KAZN: variants seen among roughly 807,000 people sequenced by gnomAD.
The protein encoded by KAZN is kazrin, periplakin interacting protein.
KAZN carries 40 observed loss-of-function variants against 87.4 expected under a neutral mutation model. The observed-to-expected ratio is 0.46, with a 90% confidence interval of 0.36 to 0.60. KAZN has a LOEUF of 0.60. Among genes scored for constraint, KAZN ranks in the 20% least tolerant of loss-of-function variants. The probability of loss-of-function intolerance (pLI) is 0.00; values close to 1 mark genes in which losing one functional copy is unlikely to be tolerated. For synonymous variants in KAZN, 466 were observed against 458.3 expected, an observed-to-expected ratio of 1.02 and a Z score of -0.22; for missense variants, 898 against 1,073.9, an observed-to-expected ratio of 0.84 and a Z score of 2.29.
intron 3 of KAZN, among the ~76,000 whole-genome samples, chr1:15,036,721 G>A (rs944305107): frequency 6.6e-6 from 1 of 152,158 alleles, no homozygotes; most frequent in African/African-American, 2.4e-5. Context: ...GGGAGGGGTA[G>A]GGGACACCGC....
intron 1 of KAZN, among the ~76,000 whole-genome samples, chr1:14,867,254 C>A (rs1468113087): frequency 6.6e-6 from 1 of 152,186 alleles, no homozygotes; most frequent in African/African-American, 2.4e-5. Context: ...CCTTGAAGGT[C>A]TGTTGTTTTG....
intron 1 of KAZN, among the ~76,000 whole-genome samples, chr1:14,620,857 T>G (rs1678641099): frequency 6.6e-6 from 1 of 152,182 alleles, no homozygotes; most frequent in Non-Finnish European, 1.5e-5. Context: ...GGTGACGCCT[T>G]GGAAATCTCC....
At chr1:14,488,419 G>T (rs1161801249) in intron 2 of KAZN, among the ~76,000 whole-genome samples, 3 of 152,130 alleles carry the variant, frequency 2.0e-5, no homozygotes, top group African/African-American at 7.2e-5. Flanking sequence ...ATGAGTAAAG[G>T]CTCTAAGGTG....
intron 2 of KAZN, among the ~76,000 whole-genome samples, chr1:14,502,981 C>A (rs1670344794): frequency 1.3e-5 from 2 of 152,106 alleles, no homozygotes; most frequent in African/African-American, 4.8e-5. Context: ...TGTGCTTCTT[C>A]TTGGATCTGC....
intron 2 of KAZN, among the ~76,000 whole-genome samples, chr1:14,201,769 G>C (rs1016755744): frequency 6.6e-6 from 1 of 152,184 alleles, no homozygotes; most frequent in African/African-American, 2.4e-5. Context: ...CCCAGGTTGA[G>C]GTGATTCTCC....
intron 1 of KAZN, among the ~76,000 whole-genome samples, chr1:14,717,964 C>G (rs1421984518): frequency 6.6e-6 from 1 of 152,208 alleles, no homozygotes; most frequent in Non-Finnish European, 1.5e-5. Context: ...ACAAGGAGAA[C>G]AGAACCTGGT....
intron 2 of KAZN, among the ~76,000 whole-genome samples, chr1:14,373,048 G>C (rs924999468): frequency 6.6e-6 from 1 of 152,106 alleles, no homozygotes; most frequent in Admixed American, 6.5e-5. Flanking sequence ...ATGAGTAGGA[G>C]GTTGCCACGT....
At chr1:14,165,783 T>C (rs762592790) in intron 1 of KAZN, among the ~76,000 whole-genome samples, 3 of 152,164 alleles carry the variant, frequency 2.0e-5, no homozygotes, top group Non-Finnish European at 4.4e-5. Flanking sequence ...ACTACAGTGT[T>C]CAAATAGCTT....
At chr1:14,331,775 A>G (rs954071645) in intron 2 of KAZN, among the ~76,000 whole-genome samples, 14 of 152,180 alleles carry the variant, frequency 9.2e-5, no homozygotes, top group Non-Finnish European at 7.3e-5. Flanking sequence ...CCTACCAGGA[A>G]TAAATAACCA....
chr1:14,465,437 C>T (rs1180296109), intron 2 of KAZN, among the ~76,000 whole-genome samples: 1 of 150,256 alleles, frequency 6.7e-6, no homozygotes, highest in African/African-American at 2.4e-5. Flanking sequence ...ACAAGTCTCT[C>T]GCTTGACAGG....
chr1:14,282,458 A>G (rs1652910718), intron 2 of KAZN, among the ~76,000 whole-genome samples: 1 of 152,244 alleles, frequency 6.6e-6, no homozygotes, highest in African/African-American at 2.4e-5. Context: ...AGTGTATTCA[A>G]GCATCTTGCT....
intron 1 of KAZN, among the ~76,000 whole-genome samples, chr1:14,778,814 T>A (rs574415784): frequency 6.6e-6 from 1 of 152,248 alleles, no homozygotes; most frequent in South Asian, 2.1e-4. Context: ...AAGTCAAGAA[T>A]TCTGGTAAAG....
intron 1 of KAZN, among the ~76,000 whole-genome samples, chr1:14,907,205 G>A (rs1251892518): frequency 6.6e-6 from 1 of 151,868 alleles, no homozygotes; most frequent in Non-Finnish European, 1.5e-5. Flanking sequence ...AGACCAGCCT[G>A]TGCAACATGG....
intron 1 of KAZN, among the ~76,000 whole-genome samples, chr1:14,884,830 C>A (rs955685203): frequency 6.6e-6 from 1 of 152,202 alleles, no homozygotes. Flanking sequence ...TTTTTCATAA[C>A]TGAGCAGGAA....
chr1:14,093,608 G>A (rs538479112), intron 1 of KAZN, among the ~76,000 whole-genome samples: 1 of 152,126 alleles, frequency 6.6e-6, no homozygotes, highest in East Asian at 1.9e-4. Context: ...GGACATTCTT[G>A]TAGGGGAGTT....
At position 14,608,180 on chromosome 1, in the gene KAZN, G is replaced by C. The variant is rs543080861; in HGVS notation, c.226+8957G>C. Reference sequence around the variant, plus strand: ...CAGGTAGCCCAAAGACATGCCAGTAGGACGGTTTTGCTATTTTGCTTAACG... The same window carrying C: ...CAGGTAGCCCAAAGACATGCCAGTACGACGGTTTTGCTATTTTGCTTAACG... On this transcript the variant is annotated intron_variant, in intron 1 of 14. Transcript: ENST00000376030. Among the ~76,000 whole-genome samples the C allele has an allele frequency of 1.2e-3, 179 of 152,306 alleles. 2 individuals carry two copies. The highest frequency in any genetic ancestry group is 4.1e-3 in the African/African-American group (169 of 41,562).
intron 2 of KAZN, among the ~76,000 whole-genome samples, chr1:14,444,825 A>G (rs1364947239): frequency 6.6e-6 from 1 of 152,136 alleles, no homozygotes; most frequent in Non-Finnish European, 1.5e-5. Flanking sequence ...TAATCACCGC[A>G]CTAGCCTCAT....
At chr1:14,589,914 C>G (rs1676090147) in intron 2 of KAZN, among the ~76,000 whole-genome samples, 1 of 152,054 alleles carries the variant, frequency 6.6e-6, no homozygotes, top group African/African-American at 2.4e-5. Context: ...CCATAAGAAT[C>G]TGGGAAAAGA....
At chr1:14,718,184 C>T (rs1642907518) in intron 1 of KAZN, among the ~76,000 whole-genome samples, 1 of 152,242 alleles carries the variant, frequency 6.6e-6, no homozygotes, top group African/African-American at 2.4e-5. Flanking sequence ...CTGTTTGCAC[C>T]ACCACTTCAA....
Sources: allele counts gnomAD v4.1 joint callset (sites outside exome capture counted in the v4.1 genomes callset), GRCh38; gene constraint gnomAD v4.1.1; transcripts MANE v1.5; gene names NCBI Gene and HGNC (gene_info 2026-07-23, HGNC 2026-07-21).